The following BATF3 variants were observed in gnomAD, a reference collection of about 807,000 sequenced individuals.
BATF3 encodes the protein basic leucine zipper ATF-like transcription factor 3, also known as basic leucine zipper transcriptional factor ATF-like 3.
In BATF3, 8 loss-of-function variants were observed where a neutral mutation model predicts 16.1. The observed-to-expected ratio is 0.50, with a 90% CI of 0.29 to 0.90. The LOEUF (loss-of-function observed/expected upper bound fraction) is 0.90. BATF3 is among the 40% of genes least tolerant of loss of function. The pLI is 0.08. For missense variants in BATF3, 139 were observed against 167.0 expected (o/e 0.83, Z 0.92); for synonymous variants, 74 against 72.7 (o/e 1.02, Z -0.09).
chr1:212,687,374 C>G (rs1656876242), intron 2 of BATF3: 4 of 199,306 alleles, frequency 2.0e-5, no homozygotes, highest in African/African-American at 4.6e-5. Flanking sequence ...TCCCCAGCAC[C>G]TAGAACAGTA....
At position 212,686,711 on chromosome 1, in the gene BATF3, T is replaced by C; in HGVS notation, c.*80A>G. On this transcript the variant is annotated 3_prime_UTR_variant, in exon 3 of 3. Transcript: ENST00000243440. ...GGCCTGGCCACAGGTGCCCCCTGTA[T>C]ACAATTGTGAAGGAAAAGCCTTCCT... 6.7e-7 allele frequency: 1 copy of C among 1,501,980 alleles called. No individual in the cohort carries two copies. The highest frequency in any genetic ancestry group is 8.9e-7 in the Non-Finnish European group (1 of 1,125,096). 93.0% of individuals were successfully genotyped at this position (1,501,980 alleles called of 1,614,324 possible).
rs776795294 is a variant in BATF3, at chr1:212,686,762, C to T, written c.*29G>A. On this transcript the variant is annotated 3_prime_UTR_variant, in exon 3 of 3. Transcript: ENST00000243440. ...CCCAGGTATGAAAATGACCAAGGCT[C>T]CTTGCTGGGCAGAGGAGTGTCCCCG... 6.3e-7 allele frequency: 1 copy of T among 1,593,304 alleles called. No homozygotes were observed. The highest frequency in any genetic ancestry group is 8.6e-7 in the Non-Finnish European group (1 of 1,167,820).
chr1:212,699,754 T>C lies in BATF3; in HGVS notation c.9A>G (p.Gln3=), dbSNP rs2202682. ...GGACGCTGCCGGCGGCCGGGAGCCC[T>C]TGCGACATGCCGGGCGCTCCTCTGG... The part of the protein sequence containing the change: MS[Q]GLPAAGSVLQ... Residue 3 remains glutamine, a synonymous_variant, in exon 1 of 3, where the codon CAA becomes CAG. Transcript: ENST00000243440. The surrounding 1 kb of genome is among the most constrained non-coding windows in gnomAD (Gnocchi z 4.4). The C allele has an allele frequency of 0.14, 182,695 of 1,279,818 alleles. 13,756 individuals are homozygous for C. The highest frequency in any genetic ancestry group is 0.23 in the South Asian group (9,387 of 41,180). 79.3% of individuals were successfully genotyped at this position (1,279,818 alleles called of 1,614,324 possible). A position where few individuals can be genotyped will look rare whatever the true frequency, so the allele number is the denominator to read the frequency against.
chr1:212,698,128 A>G (rs1384270838), intron 1 of BATF3: 8 of 152,292 alleles, frequency 5.3e-5, no homozygotes, highest in Admixed American at 5.2e-4. Flanking sequence ...AGGAATAAAT[A>G]ACATACATAG....
Position 212,686,816 on chromosome 1 carries a change from G to A in BATF3, c.359C>T (p.Pro120Leu). ...TCATCGGGGCAAGCAGCCGGCCACA[G>A]GGTCCGGCCGGGGAGGCACTGGCAC... ...NFVPVPPRPD[P>L]VAGCLPR The change falls in exon 3 of 3, where the codon CCT (proline) becomes CTT (leucine). Residue 120 changes from proline (P) to leucine (L), a missense_variant. Physicochemically the swap from Pro to Leu is moderately conservative, Grantham distance 98. Coordinates refer to ENST00000243440, the MANE Select transcript of BATF3 (RefSeq NM_018664.3). The A allele has an allele frequency of 6.2e-7, 1 of 1,613,036 alleles. No homozygotes were observed. Among genetic ancestry groups the A allele is most frequent in the Non-Finnish European group, 8.5e-7 (1 of 1,179,316 alleles).
rs1203322543 is a variant in BATF3, at chr1:212,699,253, A to T, written c.90+420T>A. On this transcript the variant is annotated intron_variant, in intron 1 of 2. Coordinates refer to ENST00000243440, the MANE Select transcript of BATF3 (RefSeq NM_018664.3). The surrounding 1 kb of genome is among the most constrained non-coding windows in gnomAD (Gnocchi z 4.4). ...GTCCGGCGTTCTCCATTCCCGCGGC[A>T]GCACCCCCCCCACCCGGGGGAATCC... is the stretch of plus-strand genomic sequence containing the variant. Among the ~76,000 whole-genome samples the T allele has an allele frequency of 2.2e-5, 3 of 138,224 alleles. No homozygotes were observed. Among genetic ancestry groups the T allele is most frequent in the African/African-American group, 8.0e-5 (3 of 37,552 alleles). The allele number at this position is 138,224 out of a possible 152,430, so 90.7% of individuals were successfully genotyped here.
At chr1:212,690,054 C>CCACATT (rs966677432) in intron 2 of BATF3, among the ~76,000 whole-genome samples, 1 of 151,590 alleles carries the variant, frequency 6.6e-6, no homozygotes, top group African/African-American at 2.4e-5. Context: ...TGCAGACTCC[C>CCACATT]CACATTCACA....
intron 2 of BATF3, among the ~76,000 whole-genome samples, chr1:212,691,010 T>A (rs1656986496): frequency 6.6e-6 from 1 of 152,128 alleles, no homozygotes; most frequent in East Asian, 1.9e-4. Context: ...CTGCTCAACA[T>A]CCAGCAGCAC....
chr1:212,696,084 C>G (rs1272009938), intron 2 of BATF3, among the ~76,000 whole-genome samples: 1 of 150,046 alleles, frequency 6.7e-6, no homozygotes, highest in Middle Eastern at 3.2e-3. Flanking sequence ...CTGGAGTAAT[C>G]AATGTTGGGA....
At chr1:212,690,486 CAAG>C (rs917742520) in intron 2 of BATF3, among the ~76,000 whole-genome samples, 1 of 152,060 alleles carries the variant, frequency 6.6e-6, no homozygotes, top group Non-Finnish European at 1.5e-5. Context: ...GAGGGAATAA[CAAG>C]AAGAGAAGAA....
At chr1:212,697,637 C>T (rs1657162797) in intron 1 of BATF3, 1 of 152,528 alleles carries the variant, frequency 6.6e-6, no homozygotes, top group Non-Finnish European at 1.5e-5. Flanking sequence ...ATCTTAAACC[C>T]CACTGACAGT....
At chr1:212,688,333 T>C (rs150016038) in intron 2 of BATF3, among the ~76,000 whole-genome samples, 1 of 152,318 alleles carries the variant, frequency 6.6e-6, no homozygotes, top group Non-Finnish European at 1.5e-5. Context: ...CAGGATGCAA[T>C]GCATGGTTCT....
intron 2 of BATF3, 30 bp downstream of exon 2, chr1:212,696,931 T>C: frequency 6.4e-7 from 1 of 1,569,100 alleles, no homozygotes; most frequent in South Asian, 1.1e-5. Context: ...TGTGTGGCTC[T>C]AAGGTGGCTT....
chr1:212,696,558 A>G (rs1657137431), intron 2 of BATF3, among the ~76,000 whole-genome samples: 1 of 151,800 alleles, frequency 6.6e-6, no homozygotes, highest in Non-Finnish European at 1.5e-5. Flanking sequence ...AGGATTGGGG[A>G]ATAACCAGGA....
At chr1:212,696,007 AC>A (rs1657117560) in intron 2 of BATF3, among the ~76,000 whole-genome samples, 1 of 152,152 alleles carries the variant, frequency 6.6e-6, no homozygotes, top group South Asian at 2.1e-4. Flanking sequence ...CCTGCAGTGG[AC>A]CCATGGAGAA....
intron 2 of BATF3, among the ~76,000 whole-genome samples, chr1:212,696,423 G>GGT (rs139095900): frequency 0.045 from 6,681 of 148,522 alleles, 182 homozygotes; most frequent in Non-Finnish European, 0.059. Flanking sequence ...GTTTCTGTAG[G>GGT]GTGTGTGTGT....
chr1:212,687,485 A>C (rs1306362329), intron 2 of BATF3: 2 of 161,038 alleles, frequency 1.2e-5, no homozygotes, highest in Admixed American at 5.8e-5. Flanking sequence ...TTTCCTCTCC[A>C]TCAGGGTTTA....
In BATF3 at chr1:212,698,380, A is replaced by T. The variant is rs561934659; in HGVS notation, c.90+1293T>A. Reference sequence around the variant, plus strand: ...GTAAGCATAATTCATTCATTCTTTCAATATGTATTAACTGAGCACCTACCA... The same window carrying T: ...GTAAGCATAATTCATTCATTCTTTCTATATGTATTAACTGAGCACCTACCA... On this transcript the variant is annotated intron_variant, in intron 1 of 2. Transcript: ENST00000243440. 11 of 152,326 alleles carry T rather than the reference A, an allele frequency of 7.2e-5. No individual in the cohort carries two copies. The South Asian group carries it at 2.3e-3, about 32-fold the overall frequency. The allele number at this position is 152,326 out of a possible 1,614,324, so 9.4% of individuals were successfully genotyped here. A position where few individuals can be genotyped will look rare whatever the true frequency, so the allele number is the denominator to read the frequency against.
chr1:212,698,595 A>G (rs570766241), intron 1 of BATF3: 3 of 152,220 alleles, frequency 2.0e-5, no homozygotes, highest in Non-Finnish European at 4.4e-5. Context: ...GCTACTTTAA[A>G]AAAAAATGTA....
Sources: gnomAD v4.1 joint callset for allele counts (sites outside exome capture counted in the v4.1 genomes callset) on GRCh38, gnomAD v4.1.1 for gene constraint, Gnocchi (gnomAD v3.1) non-coding constraint, MANE v1.5 for transcripts, NCBI Gene and HGNC (gene_info 2026-07-23, HGNC 2026-07-21) for gene names.